The following LEKR1 variants were observed in gnomAD, a reference collection of about 807,000 sequenced individuals.
LEKR1 encodes the protein leucine, glutamate and lysine rich 1, also known as protein LEKR1.
LEKR1 carries 59 observed loss-of-function variants against 72.4 expected under a neutral mutation model. That is an observed-to-expected ratio of 0.82 (90% CI 0.66 to 1.01). LEKR1 has a LOEUF of 1.01. Among genes scored for constraint, LEKR1 ranks in the 50% least tolerant of loss-of-function variants. LEKR1 has a pLI of 0.00. For missense variants in LEKR1, 728 were observed against 759.2 expected, an observed-to-expected ratio of 0.96 and a Z score of 0.48; for synonymous variants, 257 against 263.2, an observed-to-expected ratio of 0.98 and a Z score of 0.23.
intron 9 of LEKR1, among the ~76,000 whole-genome samples, chr3:157,000,747 A>T (rs1447194068): frequency 1.3e-5 from 2 of 152,224 alleles, no homozygotes; most frequent in African/African-American, 4.8e-5. Context: ...AGTTGTAAAG[A>T]TTAATCCTTG....
At chr3:156,964,835 G>A (rs1237505489) in intron 6 of LEKR1, among the ~76,000 whole-genome samples, 5 of 152,056 alleles carry the variant, frequency 3.3e-5, no homozygotes, top group Non-Finnish European at 7.4e-5. Context: ...TAACACTACT[G>A]GAAAATGTCC....
chr3:157,034,167 A>T (rs531083296), intron 12 of LEKR1, among the ~76,000 whole-genome samples: 2 of 152,314 alleles, frequency 1.3e-5, no homozygotes, highest in African/African-American at 4.8e-5. Context: ...CAAGCACAAC[A>T]TCCATTCTGC....
At chr3:157,041,190 T>G (rs1395483532) in intron 12 of LEKR1, among the ~76,000 whole-genome samples, 2 of 152,174 alleles carry the variant, frequency 1.3e-5, no homozygotes, top group Admixed American at 1.3e-4. Flanking sequence ...TAGATCATGC[T>G]CGCCACCAAT....
chr3:156,831,385 CT>C (rs940236981), intron 2 of LEKR1, among the ~76,000 whole-genome samples: 3 of 152,124 alleles, frequency 2.0e-5, no homozygotes, highest in Admixed American at 6.5e-5. Flanking sequence ...TTCTCTTAAC[CT>C]TTTGGCTTTT....
intron 6 of LEKR1, among the ~76,000 whole-genome samples, chr3:156,963,378 G>T (rs1357843004): frequency 6.6e-6 from 1 of 152,058 alleles, no homozygotes; most frequent in African/African-American, 2.4e-5. Flanking sequence ...TTTACACATG[G>T]ACTCACCCAG....
At chr3:157,009,453 G>A (rs1340873661) in intron 9 of LEKR1, among the ~76,000 whole-genome samples, 1 of 152,084 alleles carries the variant, frequency 6.6e-6, no homozygotes, top group Non-Finnish European at 1.5e-5. Flanking sequence ...TTTGAAATTA[G>A]CTAAAACTTA....
In LEKR1 at chr3:156,963,602, A is replaced by C. The variant is rs1319877573; in HGVS notation, c.746-15592A>C. ...TGGTACTATCTTAACATCATTAAAA[A>C]AATCATTCCTGTGAGTTCAGGTAGA... On this transcript the variant is annotated intron_variant, in intron 6 of 12. Transcript: ENST00000356539. 2.0e-5 allele frequency among the ~76,000 whole-genome samples: 3 copies of C among 152,242 alleles called. 1 individual carries two copies. In the South Asian group the frequency reaches 6.2e-4, roughly 32 times the overall value.
chr3:157,009,876 A>G (rs919003494), intron 9 of LEKR1, among the ~76,000 whole-genome samples: 1 of 152,250 alleles, frequency 6.6e-6, no homozygotes, highest in African/African-American at 2.4e-5. Flanking sequence ...TAAACTTACC[A>G]TAATTATCAA....
chr3:157,024,632 A>G, intron 10 of LEKR1, 128 bp from the exon 11 acceptor site: 1 of 776,688 alleles, frequency 1.3e-6, no homozygotes, highest in East Asian at 3.0e-5. Flanking sequence ...TGAACACTAG[A>G]ATTTTTAAAA....
At position 156,879,637 on chromosome 3, in the gene LEKR1, C is replaced by A. The variant is rs1195406291; in HGVS notation, c.263+26655C>A. 1.3e-5 allele frequency among the ~76,000 whole-genome samples: 2 copies of A among 152,140 alleles called. 1 individual carries two copies. The highest frequency in any genetic ancestry group is 4.1e-4 in the South Asian group (2 of 4,830). On this transcript the variant is annotated intron_variant, in intron 3 of 12. Coordinates refer to ENST00000356539, the MANE Select transcript of LEKR1 (RefSeq NM_001004316.3). ...AATGGGAAAATGTTTTCAGGGGATG[C>A]CAGAGACTTTTGCAGCAGCCCCTTC...
chr3:156,890,299 G>C (rs1399766886), intron 3 of LEKR1, among the ~76,000 whole-genome samples: 1 of 152,144 alleles, frequency 6.6e-6, no homozygotes, highest in Admixed American at 6.5e-5. Flanking sequence ...CCAAAATAAA[G>C]AGAAATGAAA....
intron 2 of LEKR1, among the ~76,000 whole-genome samples, chr3:156,842,647 G>T (rs774960172): frequency 8.5e-5 from 13 of 152,272 alleles, no homozygotes; most frequent in Non-Finnish European, 1.9e-4. Context: ...ATGTAAAGGT[G>T]GTAGGGGAGA....
intron 3 of LEKR1, among the ~76,000 whole-genome samples, chr3:156,858,244 G>C (rs1025328166): frequency 2.0e-5 from 3 of 152,096 alleles, no homozygotes; most frequent in African/African-American, 7.2e-5. Flanking sequence ...GATTGAGAAA[G>C]AGACAAGAAA....
intron 4 of LEKR1, among the ~76,000 whole-genome samples, chr3:156,926,394 C>G (rs1023047959): frequency 2.0e-5 from 3 of 152,040 alleles, no homozygotes; most frequent in Admixed American, 6.6e-5. Flanking sequence ...TTACTAATTA[C>G]TAATTACCAA....
intron 6 of LEKR1, among the ~76,000 whole-genome samples, chr3:156,967,728 C>T (rs1160386039): frequency 3.9e-5 from 6 of 152,130 alleles, no homozygotes; most frequent in Admixed American, 3.9e-4. Context: ...AGAACTTCCC[C>T]AATCTAGCAA....
At chr3:156,899,371 CAT>C (rs1222830407) in intron 3 of LEKR1, among the ~76,000 whole-genome samples, 4 of 104,052 alleles carry the variant, frequency 3.8e-5, no homozygotes, top group African/African-American at 1.6e-4. Context: ...TACATATATA[CAT>C]ATATACACAT....
At chr3:156,829,146 A>G in intron 1 of LEKR1, 140 bp from the exon 2 acceptor site, 1 of 528,200 alleles carries the variant, frequency 1.9e-6, no homozygotes. Flanking sequence ...GTACCTTCTA[A>G]CATTGAGCTG....
chr3:156,898,152 A>T (rs894062488), intron 3 of LEKR1, among the ~76,000 whole-genome samples: 4 of 152,174 alleles, frequency 2.6e-5, no homozygotes, highest in Non-Finnish European at 4.4e-5. Context: ...TACAGATGCA[A>T]ATTTTCCCCC....
intron 1 of LEKR1, among the ~76,000 whole-genome samples, chr3:156,827,851 C>T (rs764452060): frequency 1.3e-5 from 2 of 152,230 alleles, no homozygotes; most frequent in Non-Finnish European, 2.9e-5. Context: ...TCCGTGCTCT[C>T]AGATAACTTT....
Sources: gnomAD v4.1 joint callset for allele counts (sites outside exome capture counted in the v4.1 genomes callset) on GRCh38, gnomAD v4.1.1 for gene constraint, MANE v1.5 for transcripts, NCBI Gene and HGNC (gene_info 2026-07-23, HGNC 2026-07-21) for gene names.